CNTN5: variants seen among roughly 807,000 people sequenced by gnomAD.
CNTN5 encodes contactin-5.
CNTN5 carries 77 observed loss-of-function variants against 129.1 expected under a neutral mutation model. That is an observed-to-expected ratio of 0.60 (90% CI 0.50 to 0.72). CNTN5 has a LOEUF of 0.72. Among genes scored for constraint, CNTN5 ranks in the 30% least tolerant of loss-of-function variants. The pLI, the probability that CNTN5 is intolerant of heterozygous loss-of-function variation, is 0.00. For missense variants in CNTN5, 1,478 were observed against 1,328.8 expected (o/e 1.11, Z -1.75); for synonymous variants, 509 against 465.6 (o/e 1.09, Z -1.20).
At chr11:99,976,066 T>G (rs1937941919) in intron 8 of CNTN5, among the ~76,000 whole-genome samples, 1 of 152,142 alleles carries the variant, frequency 6.6e-6, no homozygotes, top group Non-Finnish European at 1.5e-5. Context: ...AAACTGGTCA[T>G]AACCAAGGGG....
At chr11:99,953,594 G>A (rs963092746) in intron 7 of CNTN5, among the ~76,000 whole-genome samples, 1 of 152,184 alleles carries the variant, frequency 6.6e-6, no homozygotes, top group South Asian at 2.1e-4. Context: ...TTTTTTATAT[G>A]TTACAGAAGT....
At chr11:99,467,036 T>C (rs1466292309) in intron 2 of CNTN5, among the ~76,000 whole-genome samples, 1 of 152,160 alleles carries the variant, frequency 6.6e-6, no homozygotes, top group Non-Finnish European at 1.5e-5. Flanking sequence ...TATCTGACAA[T>C]GTCTTTATTC....
At chr11:100,077,045 A>G (rs1338280947) in intron 13 of CNTN5, among the ~76,000 whole-genome samples, 4 of 152,178 alleles carry the variant, frequency 2.6e-5, no homozygotes, top group Non-Finnish European at 5.9e-5. Flanking sequence ...AAACTTAACA[A>G]TGTCAAATGC....
chr11:100,295,520 A>G (rs1484844577), intron 18 of CNTN5, among the ~76,000 whole-genome samples: 1 of 151,498 alleles, frequency 6.6e-6, no homozygotes, highest in Non-Finnish European at 1.5e-5. Flanking sequence ...AAATAAAAGT[A>G]TCAATGGATG....
chr11:100,191,045 T>C lies in CNTN5; in HGVS notation c.1581-81T>C, dbSNP rs1948469750. Reference sequence around the variant, plus strand: ...TTACTTATTATCACCCTAGAAATGGTTTTAGACTTCATCATTGGTTCTTAC... The same window carrying C: ...TTACTTATTATCACCCTAGAAATGGCTTTAGACTTCATCATTGGTTCTTAC... On this transcript the variant is annotated intron_variant, in intron 13 of 24. Coordinates refer to ENST00000524871, the MANE Select transcript of CNTN5 (RefSeq NM_014361.4). 8 of 939,480 alleles carry C rather than the reference T, an allele frequency of 8.5e-6. No homozygotes were observed. The South Asian group carries it at 1.2e-4, about 14-fold the overall frequency. The allele number at this position is 939,480 out of a possible 1,614,324, so 58.2% of individuals were successfully genotyped here.
At chr11:99,318,544 A>ATT (rs111266538) in intron 1 of CNTN5, among the ~76,000 whole-genome samples, 104 of 148,588 alleles carry the variant, frequency 7.0e-4, no homozygotes, top group Middle Eastern at 7.0e-3. Flanking sequence ...TTTGAGAATT[A>ATT]TTTTTTTTTT....
intron 2 of CNTN5, among the ~76,000 whole-genome samples, chr11:99,440,965 A>G (rs145285640): frequency 2.6e-5 from 4 of 152,154 alleles, no homozygotes; most frequent in Non-Finnish European, 5.9e-5. Context: ...GTAAGACAAT[A>G]CTTTGGTTTT....
chr11:99,317,035 C>T (rs1865371984), intron 1 of CNTN5, among the ~76,000 whole-genome samples: 2 of 152,086 alleles, frequency 1.3e-5, no homozygotes, highest in African/African-American at 2.4e-5. Context: ...ATTCTCAGCA[C>T]CCTAAGAGAA....
intron 4 of CNTN5, among the ~76,000 whole-genome samples, chr11:99,827,796 A>G (rs1436455232): frequency 2.6e-4 from 28 of 109,206 alleles, no homozygotes; most frequent in Admixed American, 2.4e-3. Flanking sequence ...TGTTAACAGT[A>G]ATCAGAATGC....
intron 1 of CNTN5, among the ~76,000 whole-genome samples, chr11:99,187,196 A>G (rs1320450816): frequency 6.6e-6 from 1 of 151,880 alleles, no homozygotes; most frequent in Non-Finnish European, 1.5e-5. Context: ...ACAAAGAAGC[A>G]GCAGACAACC....
chr11:99,434,849 A>G (rs1291253138), intron 2 of CNTN5, among the ~76,000 whole-genome samples: 2 of 152,186 alleles, frequency 1.3e-5, no homozygotes, highest in Non-Finnish European at 2.9e-5. Context: ...ATTCAAGAGA[A>G]ATTTCTGAAT....
At chr11:99,679,337 A>G (rs1439554447) in intron 3 of CNTN5, among the ~76,000 whole-genome samples, 1 of 151,936 alleles carries the variant, frequency 6.6e-6, no homozygotes, top group African/African-American at 2.4e-5. Context: ...TGCTTTACAA[A>G]TTGAAGGTTG....
intron 1 of CNTN5, among the ~76,000 whole-genome samples, chr11:99,235,582 T>C (rs1403537780): frequency 2.6e-5 from 4 of 152,196 alleles, no homozygotes; most frequent in East Asian, 1.9e-4. Flanking sequence ...ACAATAGGTA[T>C]AACTATGAGT....
In CNTN5 at chr11:99,844,935, T is replaced by C. The variant is rs200769376; in HGVS notation, c.361T>C (p.Leu121=). Residue 121 remains leucine (L), a synonymous_variant, in exon 5 of 25, where the codon TTG becomes CTG. Transcript: ENST00000524871. Reference sequence around the variant, plus strand: ...TGATTCTGATGAAAAGAAGGTAGCATTGAATTGTGAAGTTCGTGGCAATCC... The same window carrying C: ...TGATTCTGATGAAAAGAAGGTAGCACTGAATTGTGAAGTTCGTGGCAATCC... ...PTDSDEKKVA[L]NCEVRGNPVP... 2.7e-5 allele frequency: 43 copies of C among 1,613,736 alleles called. No homozygotes were observed. Among genetic ancestry groups the C allele is most frequent in the Non-Finnish European group, 3.3e-5 (39 of 1,179,816 alleles).
In CNTN5 at chr11:100,234,463, C is replaced by T. The variant is rs1385595154; in HGVS notation, c.2005+9651C>T. Among the ~76,000 whole-genome samples the T allele has an allele frequency of 2.6e-5, 4 of 151,832 alleles. No individual in the cohort carries two copies. The South Asian group carries it at 6.2e-4, about 24-fold the overall frequency. ...TATACACCATGGAATACTATACAGCCGTAAAAAAAGATGAGTTCATGTCTT... is the reference window on the plus strand; with the variant it reads ...TATACACCATGGAATACTATACAGCTGTAAAAAAAGATGAGTTCATGTCTT... On this transcript the variant is annotated intron_variant, in intron 16 of 24. Transcript: ENST00000524871.
At chr11:100,181,094 T>A (rs1261431867) in intron 13 of CNTN5, among the ~76,000 whole-genome samples, 1 of 152,036 alleles carries the variant, frequency 6.6e-6, no homozygotes, top group Admixed American at 6.6e-5. Flanking sequence ...CACATAAATA[T>A]CTGTACATCA....
At chr11:99,313,359 G>A (rs970013186) in intron 1 of CNTN5, among the ~76,000 whole-genome samples, 17 of 151,982 alleles carry the variant, frequency 1.1e-4, no homozygotes, top group African/African-American at 3.6e-4. Context: ...GCTTATAAAA[G>A]TAATGTTATT....
chr11:99,796,259 G>A (rs1159508531), intron 3 of CNTN5, among the ~76,000 whole-genome samples: 1 of 152,160 alleles, frequency 6.6e-6, no homozygotes, highest in Non-Finnish European at 1.5e-5. Flanking sequence ...ATTTGCACCA[G>A]CAATGGTGGC....
At chr11:99,410,208 T>C (rs866973598) in intron 2 of CNTN5, among the ~76,000 whole-genome samples, 1 of 152,234 alleles carries the variant, frequency 6.6e-6, no homozygotes, top group African/African-American at 2.4e-5. Flanking sequence ...TTTAGTTTCC[T>C]AGCTAGAAAA....
Sources: allele counts gnomAD v4.1 joint callset (sites outside exome capture counted in the v4.1 genomes callset), GRCh38; gene constraint gnomAD v4.1.1; transcripts MANE v1.5; gene names NCBI Gene and HGNC (gene_info 2026-07-23, HGNC 2026-07-21).